Variants in MAP4K1 observed in about 807,000 individuals in gnomAD.
The protein encoded by MAP4K1 is MAPK/ERK kinase kinase kinase 1.
In MAP4K1, 35 loss-of-function variants were observed where a neutral mutation model predicts 122.8. The ratio of observed to expected loss-of-function variants is 0.29; its 90% CI spans 0.22 to 0.38. MAP4K1 has a LOEUF of 0.38. Ranked by LOEUF, MAP4K1 falls within the 10% of genes least tolerant of loss-of-function variation. MAP4K1 has a pLI of 1.00. For missense variants in MAP4K1, 791 were observed against 1,072.6 expected, an observed-to-expected ratio of 0.74 and a Z score of 3.67; for synonymous variants, 412 against 421.3, an observed-to-expected ratio of 0.98 and a Z score of 0.27.
At position 38,595,701 on chromosome 19, in the gene MAP4K1, C is replaced by T; in HGVS notation, c.2208G>A (p.Gly736=). 6.2e-7 allele frequency: 1 copy of T among 1,611,646 alleles called. No individual in the cohort carries two copies. The highest frequency in any genetic ancestry group is 8.5e-7 in the Non-Finnish European group (1 of 1,178,850). The change falls in exon 28 of 31, where the codon GGG becomes GGA. Residue 736 remains glycine (G), a synonymous_variant. Coordinates refer to ENST00000396857, the MANE Select transcript of MAP4K1 (RefSeq NM_001042600.3). ...DGSVKLVTPE[G]SPVRGLRTPE... ...GTGTGCGAAGTCCCCGGACTGGGGA[C>T]CCCTCCGGGGTCACCAGCTTCACAG...
chr19:38,588,526 C>T (rs1974598552), intron 30 of MAP4K1, among the ~76,000 whole-genome samples: 1 of 151,886 alleles, frequency 6.6e-6, no homozygotes, highest in Non-Finnish European at 1.5e-5. Flanking sequence ...CCCATCTCTA[C>T]TAAAACTACA....
chr19:38,616,624 T>C (rs886349042), intron 3 of MAP4K1, among the ~76,000 whole-genome samples: 6 of 152,122 alleles, frequency 3.9e-5, no homozygotes, highest in African/African-American at 1.4e-4. Flanking sequence ...GAGGTCATTA[T>C]TGGGGCATCT....
intron 11 of MAP4K1, among the ~76,000 whole-genome samples, chr19:38,610,372 A>ATTTTT (rs35103992): frequency 1.6e-4 from 12 of 76,196 alleles, no homozygotes; most frequent in South Asian, 5.2e-4. Context: ...CGCCCAGCTA[A>ATTTTT]TTTTTTTTTT....
Position 38,610,014 on chromosome 19 carries a change from T to TACC in MAP4K1, c.819_821dup (p.Val274dup). On this transcript the variant is annotated inframe_insertion, in exon 12 of 31. Transcript: ENST00000396857. ...GGCCTCGATTCAGCCCAGGCTGGGA[T>TACC]ACCAGTTGATGCTGGCGGAGGGAAG... 6.2e-7 allele frequency: 1 copy of TACC among 1,613,030 alleles called. No homozygotes were observed. The highest frequency in any genetic ancestry group is 8.5e-7 in the Non-Finnish European group (1 of 1,179,006).
chr19:38,605,913 T>G (rs191019218), intron 17 of MAP4K1, among the ~76,000 whole-genome samples, 183 bp from the exon 18 acceptor site: 1 of 142,706 alleles, frequency 7.0e-6, no homozygotes, highest in Non-Finnish European at 1.5e-5. Flanking sequence ...ATCAACACAC[T>G]TCAGAAACTA....
At chr19:38,589,835 G>C (rs1055537361) in intron 30 of MAP4K1, among the ~76,000 whole-genome samples, 2 of 152,274 alleles carry the variant, frequency 1.3e-5, no homozygotes, top group South Asian at 2.1e-4. Context: ...TTCCAGACCA[G>C]GCTAAGTAAC....
chr19:38,589,276 C>G (rs1289750259), intron 30 of MAP4K1: 2 of 259,284 alleles, frequency 7.7e-6, no homozygotes, highest in Middle Eastern at 4.3e-4. Context: ...GCACTCCAGC[C>G]TGGGGGACAG....
chr19:38,590,965 TCACACACACACACA>T (rs58402161), intron 30 of MAP4K1, among the ~76,000 whole-genome samples: 23 of 137,398 alleles, frequency 1.7e-4, no homozygotes, highest in East Asian at 1.5e-3. Context: ...CATTAAAAAA[TCACACACACACACA>T]CACACACACA....
intron 4 of MAP4K1, 190 bp from the exon 5 acceptor site, chr19:38,614,635 A>G (rs1325485735): frequency 6.2e-6 from 4 of 643,322 alleles, no homozygotes; most frequent in Non-Finnish European, 1.1e-5. Context: ...AAAAGAGGCC[A>G]ATAGGCCTGG....
intron 27 of MAP4K1, 88 bp from the exon 28 acceptor site, chr19:38,595,817 T>A (rs1974857223): frequency 1.3e-6 from 2 of 1,493,006 alleles, no homozygotes; most frequent in Admixed American, 3.4e-5. Flanking sequence ...GTGAAAGCTA[T>A]GTAGGACAGG....
Position 38,613,948 on chromosome 19 carries a change from G to A in MAP4K1, c.465C>T (p.Asp155=), listed in dbSNP as rs1312585189. The change falls in exon 8 of 31, where the codon GAC becomes GAT. Residue 155 remains aspartate (D), a synonymous_variant. Coordinates refer to ENST00000396857, the MANE Select transcript of MAP4K1 (RefSeq NM_001042600.3). ...INDAGEVRLA[D]FGISAQIGAT... is the part of the protein sequence containing the mutation. ...CCCCAATCTGGGCCGAGATGCCAAAGTCAGCTGGAAGCAGAGGGAGACATA... is the reference window on the plus strand; with the variant it reads ...CCCCAATCTGGGCCGAGATGCCAAAATCAGCTGGAAGCAGAGGGAGACATA... 1 of 1,613,918 alleles carries A rather than the reference G, an allele frequency of 6.2e-7. No individual in the cohort carries two copies. Among genetic ancestry groups the A allele is most frequent in the East Asian group, 2.2e-5 (1 of 44,894 alleles).
intron 3 of MAP4K1, among the ~76,000 whole-genome samples, chr19:38,616,532 C>T (rs1257573884): frequency 6.6e-6 from 1 of 152,100 alleles, no homozygotes; most frequent in Non-Finnish European, 1.5e-5. Context: ...CCCACGCCAA[C>T]CTAGGAGGCA....
chr19:38,608,799 CAAA>C (rs1031744033), intron 13 of MAP4K1, among the ~76,000 whole-genome samples: 220 of 9,500 alleles, frequency 0.023, no homozygotes, highest in African/African-American at 0.056. Context: ...AACTCCGTCT[CAAA>C]AAAAAAAAAA....
chr19:38,597,494 T>C lies in MAP4K1; in HGVS notation c.1770A>G (p.Leu590=), dbSNP rs201324353. The change falls in exon 23 of 31, where the codon CTA becomes CTG. Residue 590 remains leucine (L), a synonymous_variant. Coordinates refer to ENST00000396857, the MANE Select transcript of MAP4K1 (RefSeq NM_001042600.3). The surrounding 1 kb of genome is among the most constrained non-coding windows in gnomAD (Gnocchi z 4.6). ...NPIAHISPHR[L]LARKNMVSTK... is the part of the protein sequence containing the mutation. The stretch of plus-strand genomic sequence containing the variant: ...TCATTGGGAGCTGGTACCTTGCCAG[T>C]AGGCGGTGGGGGCTAATGTGAGCGA... 1.4e-4 allele frequency: 223 copies of C among 1,613,960 alleles called. 1 individual carries two copies. In the African/African-American group the frequency reaches 2.7e-3, roughly 19 times the overall value.
At chr19:38,601,792 T>C (rs927246860) in intron 19 of MAP4K1, 1 of 427,636 alleles carries the variant, frequency 2.3e-6, no homozygotes, top group Non-Finnish European at 4.2e-6. Context: ...CATTTGTTTT[T>C]TTTAAGACAG....
chr19:38,598,899 G>GC (rs1177457141), intron 22 of MAP4K1, among the ~76,000 whole-genome samples: 1 of 150,106 alleles, frequency 6.7e-6, no homozygotes, highest in Non-Finnish European at 1.5e-5. Context: ...TGTAATCCCA[G>GC]CTACTTGGGA....
chr19:38,608,841 C>CGG (rs972470842), intron 13 of MAP4K1, among the ~76,000 whole-genome samples: 1 of 137,798 alleles, frequency 7.3e-6, no homozygotes, highest in African/African-American at 2.7e-5. Flanking sequence ...ATTAGCCACG[C>CGG]GTGGTGAATA....
rs1427280570 is a variant in MAP4K1 at position 38,616,225 on chromosome 19, C to T, written c.283G>A (p.Gly95Arg). Residue 95 changes from glycine (G) to arginine (R), a missense_variant, in exon 4 of 31, where the codon GGG becomes AGG. Physicochemically the swap from Gly to Arg is moderately radical, Grantham distance 125 (BLOSUM62 -2). Coordinates refer to ENST00000396857, the MANE Select transcript of MAP4K1 (RefSeq NM_001042600.3). Reference protein sequence around the residue: ...QKLWICMEFCGAGSLQDIYQV... With the variant: ...QKLWICMEFCRAGSLQDIYQV... ...TAGATGTCCTGGAGAGAACCAGCCC[C>T]ACAGAATTCCATGCAGATCCAGAGT... 6.2e-7 allele frequency: 1 copy of T among 1,613,688 alleles called. No homozygotes were observed. The highest frequency in any genetic ancestry group is 8.5e-7 in the Non-Finnish European group (1 of 1,179,892).
Position 38,615,927 on chromosome 19 carries a change from G to A in MAP4K1, c.313+268C>T, listed in dbSNP as rs373056095. ...GCCCACCTCGGCTTCCCAAAGTGCT[G>A]GGATTACAGGCGTGAGCCACCACAC... On this transcript the variant is annotated intron_variant, in intron 4 of 30. Coordinates refer to ENST00000396857, the MANE Select transcript of MAP4K1 (RefSeq NM_001042600.3). 1.8e-3 allele frequency among the ~76,000 whole-genome samples: 271 copies of A among 150,868 alleles called. 2 individuals carry two copies. The highest frequency in any genetic ancestry group is 6.3e-3 in the African/African-American group (257 of 40,952).
Sources: gnomAD v4.1 joint callset for allele counts (sites outside exome capture counted in the v4.1 genomes callset) on GRCh38, gnomAD v4.1.1 for gene constraint, Gnocchi (gnomAD v3.1) non-coding constraint, MANE v1.5 for transcripts, NCBI Gene and HGNC (gene_info 2026-07-23, HGNC 2026-07-21) for gene names.